The following ANTXR2 variants were observed in gnomAD, a reference collection of about 807,000 sequenced individuals.
ANTXR2 encodes the protein anthrax toxin receptor 2.
ANTXR2 carries 44 observed loss-of-function variants against 73.7 expected under a neutral mutation model. The observed-to-expected ratio is 0.60, with a 90% CI of 0.47 to 0.77. The LOEUF (loss-of-function observed/expected upper bound fraction) is 0.77. Among genes scored for constraint, ANTXR2 ranks in the 30% least tolerant of loss-of-function variants. The pLI, the probability that ANTXR2 is intolerant of heterozygous loss-of-function variation, is 0.00. For missense variants in ANTXR2, 604 were observed against 592.5 expected (o/e 1.02, Z -0.20); for synonymous variants, 217 against 205.9 (o/e 1.05, Z -0.46).
At chr4:79,957,876 A>G (rs2109990524) in intron 16 of ANTXR2, among the ~76,000 whole-genome samples, 1 of 152,188 alleles carries the variant, frequency 6.6e-6, no homozygotes, top group East Asian at 1.9e-4. Context: ...AGGAAAACAA[A>G]ATTTTAAGAA....
rs531336423 is a variant in ANTXR2 at position 79,967,026 on chromosome 4, G to A, written c.1428+10595C>T. On this transcript the variant is annotated intron_variant, in intron 16 of 16. Coordinates refer to ENST00000403729, the MANE Select transcript of ANTXR2 (RefSeq NM_058172.6). ...GAGGTACCGGGTTCATCTCACTAGG[G>A]AGTGCCAGACAGTGGGCGCAGGCCA... 1.1e-4 allele frequency among the ~76,000 whole-genome samples: 8 copies of A among 74,540 alleles called. 2 individuals carry two copies. Among genetic ancestry groups the A allele is most frequent in the African/African-American group, 2.6e-4 (8 of 30,542 alleles). 48.9% of individuals were successfully genotyped at this position (74,540 alleles called of 152,430 possible).
chr4:79,997,868 G>C (rs1189948668), intron 12 of ANTXR2, among the ~76,000 whole-genome samples: 1 of 151,868 alleles, frequency 6.6e-6, no homozygotes, highest in Non-Finnish European at 1.5e-5. Context: ...ATGCTCTGTC[G>C]GAAAGCATCA....
chr4:80,014,707 C>T (rs573958857), intron 11 of ANTXR2, among the ~76,000 whole-genome samples: 23 of 152,286 alleles, frequency 1.5e-4, no homozygotes, highest in East Asian at 7.7e-4. Context: ...GCCCTGGGAG[C>T]CATTCCTTTG....
chr4:80,038,005 T>C (rs1034772353), intron 7 of ANTXR2, among the ~76,000 whole-genome samples: 4 of 152,128 alleles, frequency 2.6e-5, no homozygotes, highest in Non-Finnish European at 5.9e-5. Flanking sequence ...GTTTATAATC[T>C]CTTTAGTTAT....
intron 12 of ANTXR2, among the ~76,000 whole-genome samples, chr4:79,993,746 A>ACACACACACACG (rs1730585478): frequency 1.1e-5 from 1 of 94,030 alleles, no homozygotes; most frequent in Non-Finnish European, 2.1e-5. Context: ...GCAATACACC[A>ACACACACACACG]CACACACACA....
rs199733205 is a variant in ANTXR2 at position 80,011,887 on chromosome 4, G to A, written c.946-3271C>T. On this transcript the variant is annotated intron_variant, in intron 11 of 16. Coordinates refer to ENST00000403729, the MANE Select transcript of ANTXR2 (RefSeq NM_058172.6). ...TCTGGGATTAGTGTATTCAGGGACT[G>A]TGTCATCTGCATCTAATTTCCTTTT... Among the ~76,000 whole-genome samples the A allele has an allele frequency of 2.6e-5, 4 of 152,184 alleles. No individual in the cohort carries two copies. In the East Asian group the frequency reaches 7.7e-4, roughly 29 times the overall value.
At chr4:80,071,256 C>G (rs992285510) in intron 2 of ANTXR2, among the ~76,000 whole-genome samples, 1 of 99,914 alleles carries the variant, frequency 1.0e-5, no homozygotes, top group Non-Finnish European at 2.6e-5. Context: ...GGATACTATT[C>G]GCATAAAATT....
intron 16 of ANTXR2, among the ~76,000 whole-genome samples, chr4:79,917,786 C>T (rs1727415174): frequency 6.6e-6 from 1 of 151,394 alleles, no homozygotes; most frequent in Non-Finnish European, 1.5e-5. Context: ...TTTTAATTCC[C>T]AATATCTAGT....
At chr4:79,985,305 G>A (rs1390704688) in intron 12 of ANTXR2, among the ~76,000 whole-genome samples, 2 of 151,126 alleles carry the variant, frequency 1.3e-5, no homozygotes, top group Non-Finnish European at 1.5e-5. Flanking sequence ...TGCCGAGATC[G>A]TGCCACCGGA....
chr4:79,960,893 A>G (rs1428622544), intron 16 of ANTXR2, among the ~76,000 whole-genome samples: 1 of 152,014 alleles, frequency 6.6e-6, no homozygotes, highest in Non-Finnish European at 1.5e-5. Context: ...ATTTATAAAT[A>G]AAAATGAGAG....
intron 3 of ANTXR2, among the ~76,000 whole-genome samples, chr4:80,056,299 C>T (rs1733990584): frequency 6.6e-6 from 1 of 151,842 alleles, no homozygotes; most frequent in Non-Finnish European, 1.5e-5. Context: ...TATCTTCAAT[C>T]ACTCGTTTTC....
chr4:79,965,647 T>C (rs1463790063), intron 16 of ANTXR2, among the ~76,000 whole-genome samples: 1 of 152,014 alleles, frequency 6.6e-6, no homozygotes, highest in Non-Finnish European at 1.5e-5. Context: ...CACAGGAAAA[T>C]AAAATTATTT....
At chr4:80,008,913 T>A (rs1731437379) in intron 11 of ANTXR2, among the ~76,000 whole-genome samples, 1 of 152,186 alleles carries the variant, frequency 6.6e-6, no homozygotes, top group South Asian at 2.1e-4. Context: ...CTAATCAGGA[T>A]TAGACTGGTC....
rs1033984225 is a variant in ANTXR2 at position 79,902,332 on chromosome 4, ATTAC to A, written c.*5093_*5096del. 5.1e-4 allele frequency: 77 copies of A among 152,168 alleles called. 1 individual carries two copies. Among genetic ancestry groups the A allele is most frequent in the Admixed American group, 1.3e-4 (2 of 15,260 alleles). The allele number at this position is 152,168 out of a possible 1,614,324, so 9.4% of individuals were successfully genotyped here. On this transcript the variant is annotated 3_prime_UTR_variant, in exon 17 of 17. Coordinates refer to ENST00000403729, the MANE Select transcript of ANTXR2 (RefSeq NM_058172.6). ...ACTATGGATTTTAAGCTGTGTTCAA[ATTAC>A]TTACTTAGTAAAGTATTTTCCACTG...
chr4:79,986,407 T>C (rs1294789695), intron 12 of ANTXR2, among the ~76,000 whole-genome samples: 4 of 152,204 alleles, frequency 2.6e-5, no homozygotes, highest in African/African-American at 9.7e-5. Flanking sequence ...ATTTTTAATG[T>C]GTAGTATATT....
At position 79,901,944 on chromosome 4, in the gene ANTXR2, C is replaced by T. The variant is rs897558551; in HGVS notation, c.*5485G>A. Reference sequence around the variant, plus strand: ...TGCTGTAAATACCCATGAAGTTTCACTTGCTTTCCACTCATCTCCTGCTGT... The same window carrying T: ...TGCTGTAAATACCCATGAAGTTTCATTTGCTTTCCACTCATCTCCTGCTGT... On this transcript the variant is annotated 3_prime_UTR_variant, in exon 17 of 17. Coordinates refer to ENST00000403729, the MANE Select transcript of ANTXR2 (RefSeq NM_058172.6). The T allele has an allele frequency of 2.0e-5, 3 of 152,180 alleles. No individual in the cohort carries two copies. The highest frequency in any genetic ancestry group is 4.8e-5 in the African/African-American group (2 of 41,434). The allele number at this position is 152,180 out of a possible 1,614,324, so 9.4% of individuals were successfully genotyped here.
intron 7 of ANTXR2, among the ~76,000 whole-genome samples, chr4:80,047,910 TTAAC>T (rs1733595719): frequency 6.6e-6 from 1 of 151,712 alleles, no homozygotes; most frequent in Non-Finnish European, 1.5e-5. Context: ...TAAACTATTA[TTAAC>T]TGAGTTCTTG....
At position 79,905,082 on chromosome 4, in the gene ANTXR2, A is replaced by T. The variant is rs964388062; in HGVS notation, c.*2347T>A. On this transcript the variant is annotated 3_prime_UTR_variant, in exon 17 of 17. Coordinates refer to ENST00000403729, the MANE Select transcript of ANTXR2 (RefSeq NM_058172.6). ...AGACCACTGCCACTTCCTCTTCATT[A>T]AGAGCTCTTCATAGTAGCTGTATAA... is the stretch of plus-strand genomic sequence containing the variant. 6.6e-6 allele frequency: 1 copy of T among 152,162 alleles called. No homozygotes were observed. The highest frequency in any genetic ancestry group is 2.4e-5 in the African/African-American group (1 of 41,458). The allele number at this position is 152,162 out of a possible 1,614,324, so 9.4% of individuals were successfully genotyped here.
Position 80,066,817 on chromosome 4 carries a change from G to A in ANTXR2, c.296+2619C>T, listed in dbSNP as rs1393938929. On this transcript the variant is annotated intron_variant, in intron 3 of 16. Coordinates refer to ENST00000403729, the MANE Select transcript of ANTXR2 (RefSeq NM_058172.6). ...TAAGCAACTTATCCTTGACCATTTG[G>A]CTAGTAAATTGGAAAGCCAGGATTT... is the stretch of plus-strand genomic sequence containing the variant. 2.0e-5 allele frequency among the ~76,000 whole-genome samples: 3 copies of A among 152,106 alleles called. No individual in the cohort carries two copies. The East Asian group carries it at 5.8e-4, about 29-fold the overall frequency.
Sources: allele counts gnomAD v4.1 joint callset (sites outside exome capture counted in the v4.1 genomes callset), GRCh38; gene constraint gnomAD v4.1.1; transcripts MANE v1.5; gene names NCBI Gene and HGNC (gene_info 2026-07-23, HGNC 2026-07-21).